The following CATSPERE variants were observed in gnomAD, a reference collection of about 807,000 sequenced individuals.
CATSPERE encodes the protein cation channel sperm-associated auxiliary subunit epsilon.
CATSPERE carries 93 observed loss-of-function variants against 114.1 expected under a neutral mutation model. That is an observed-to-expected ratio of 0.81 (90% CI 0.69 to 0.97). CATSPERE has a LOEUF of 0.97. CATSPERE is among the 50% of genes least tolerant of loss of function. CATSPERE has a pLI of 0.00. For synonymous variants in CATSPERE, 341 were observed against 384.1 expected (o/e 0.89, Z 1.31); for missense variants, 1,058 against 1,131.6 (o/e 0.93, Z 0.93).
upstream of CATSPERE, chr1:244,451,543 A>T: frequency 2.2e-6 from 3 of 1,383,806 alleles, no homozygotes; most frequent in Non-Finnish European, 2.9e-6. The surrounding 1 kb of genome is among the most constrained non-coding windows in gnomAD (Gnocchi z 6.6). Context: ...TGGCCAGTGG[A>T]TCCGGGTTCT....
intron 7 of CATSPERE, 68 bp from the exon 8 acceptor site, chr1:244,518,524 C>A: frequency 1.1e-6 from 1 of 943,818 alleles, no homozygotes; most frequent in East Asian, 2.5e-5. Flanking sequence ...TTCAATATAT[C>A]CTGATGTCAC....
rs150789526 is a variant in CATSPERE, at chr1:244,569,324, G to A, written c.1508-3006G>A. 2.1e-3 allele frequency among the ~76,000 whole-genome samples: 320 copies of A among 152,320 alleles called. 1 individual carries two copies. Among genetic ancestry groups the A allele is most frequent in the African/African-American group, 7.2e-3 (299 of 41,584 alleles). ...TCAGTTGGAAATGCAGAAATCACCC[G>A]CCTTCTGCGTTGATCTCGCTGGGAA... On this transcript the variant is annotated intron_variant, in intron 10 of 21. Transcript: ENST00000366534.
chr1:244,591,333 T>C (rs1004755340), intron 14 of CATSPERE, among the ~76,000 whole-genome samples: 4 of 150,728 alleles, frequency 2.7e-5, no homozygotes, highest in African/African-American at 9.8e-5. Flanking sequence ...AAAGTCACCA[T>C]GTTGTACAAT....
Position 244,605,780 on chromosome 1 carries a change from A to G in CATSPERE, c.2389A>G (p.Asn797Asp), listed in dbSNP as rs764097638. ...IHGRDDYSFN[N>D]TMAQSGCLHE... Reference sequence around the variant, plus strand: ...CGGCAGGGATGACTATAGCTTTAATAATACTATGGCACAGGTATGGCATCT... The same window carrying G: ...CGGCAGGGATGACTATAGCTTTAATGATACTATGGCACAGGTATGGCATCT... The change falls in exon 18 of 22, where the codon AAT becomes GAT. Residue 797 changes from asparagine to aspartate, a missense_variant. By Grantham distance (23) the Asn-to-Asp change is conservative. Transcript: ENST00000366534. 1 of 1,611,458 alleles carries G rather than the reference A, an allele frequency of 6.2e-7. No individual in the cohort carries two copies. The highest frequency in any genetic ancestry group is 8.5e-7 in the Non-Finnish European group (1 of 1,177,980).
chr1:244,477,196 A>ATGT (rs1669508464), intron 2 of CATSPERE, among the ~76,000 whole-genome samples: 1 of 152,104 alleles, frequency 6.6e-6, no homozygotes, highest in African/African-American at 2.4e-5. Flanking sequence ...GGGTTTCACC[A>ATGT]TGTTGGCCAG....
At chr1:244,471,910 A>T (rs1279004806) in intron 2 of CATSPERE, among the ~76,000 whole-genome samples, 1 of 152,192 alleles carries the variant, frequency 6.6e-6, no homozygotes, top group Non-Finnish European at 1.5e-5. Context: ...ACTGTGTTAT[A>T]AGGCAATGAT....
At chr1:244,515,525 G>A (rs1178389504) in intron 7 of CATSPERE, among the ~76,000 whole-genome samples, 1 of 152,188 alleles carries the variant, frequency 6.6e-6, no homozygotes, top group African/African-American at 2.4e-5. Context: ...ACAATTTGAT[G>A]AGTTGTACAG....
At chr1:244,591,025 A>G (rs139048450) in intron 14 of CATSPERE, among the ~76,000 whole-genome samples, 3 of 152,340 alleles carry the variant, frequency 2.0e-5, no homozygotes, top group Non-Finnish European at 2.9e-5. Flanking sequence ...GCTGTTTTCC[A>G]TAGCAGCTGC....
At chr1:244,524,598 G>A (rs1678198216) in intron 8 of CATSPERE, among the ~76,000 whole-genome samples, 2 of 151,802 alleles carry the variant, frequency 1.3e-5, no homozygotes, top group African/African-American at 4.9e-5. Flanking sequence ...ATCTGACAAA[G>A]GGCTAATATC....
chr1:244,608,084 G>T (rs78583717), intron 18 of CATSPERE, among the ~76,000 whole-genome samples: 8,248 of 151,942 alleles, frequency 0.054, 733 homozygotes, highest in African/African-American at 0.19. Flanking sequence ...TCCAGTCTGG[G>T]TGACAGAGTG....
chr1:244,507,868 C>T (rs1164262310), intron 7 of CATSPERE, among the ~76,000 whole-genome samples: 1 of 152,112 alleles, frequency 6.6e-6, no homozygotes, highest in Non-Finnish European at 1.5e-5. Context: ...GTTTTGTTTA[C>T]TATAGCTTTG....
At chr1:244,502,147 T>C (rs1448115192) in intron 7 of CATSPERE, among the ~76,000 whole-genome samples, 1 of 152,184 alleles carries the variant, frequency 6.6e-6, no homozygotes, top group South Asian at 2.1e-4. Context: ...TGATCAATCA[T>C]CCACAATGAT....
At chr1:244,491,204 T>G (rs973850835) in intron 6 of CATSPERE, among the ~76,000 whole-genome samples, 2 of 151,946 alleles carry the variant, frequency 1.3e-5, no homozygotes, top group African/African-American at 4.8e-5. Flanking sequence ...AGTAAAGCTC[T>G]CCTCAGCAAA....
chr1:244,461,082 T>G (rs1334562680), upstream of CATSPERE, among the ~76,000 whole-genome samples: 3 of 85,928 alleles, frequency 3.5e-5, no homozygotes, highest in Non-Finnish European at 7.0e-5. Flanking sequence ...TGGATTTTTC[T>G]TTTTCTTTCC....
chr1:244,544,246 G>A (rs1381832648), intron 8 of CATSPERE, among the ~76,000 whole-genome samples: 1 of 152,128 alleles, frequency 6.6e-6, no homozygotes, highest in African/African-American at 2.4e-5. Flanking sequence ...CCTCTAACCA[G>A]GGTAACTGTA....
intron 20 of CATSPERE, among the ~76,000 whole-genome samples, chr1:244,628,925 T>TA (rs1573094343): frequency 6.6e-6 from 1 of 152,322 alleles, no homozygotes; most frequent in East Asian, 1.9e-4. Context: ...GTTCTGTACT[T>TA]ACACTTCATG....
chr1:244,582,985 G>A (rs570020227), intron 12 of CATSPERE, among the ~76,000 whole-genome samples: 1 of 56,024 alleles, frequency 1.8e-5, no homozygotes, highest in South Asian at 6.2e-4. Flanking sequence ...ATAAATCAGT[G>A]ACAGAGACTG....
chr1:244,453,594 G>A (rs191818095), upstream of CATSPERE, among the ~76,000 whole-genome samples: 101 of 152,300 alleles, frequency 6.6e-4, 1 homozygote, highest in African/African-American at 2.1e-3. Flanking sequence ...CTGCCCAAGC[G>A]GCCACCCAGT....
intron 6 of CATSPERE, among the ~76,000 whole-genome samples, chr1:244,492,563 CTATTCAACATAG>C (rs1672392994): frequency 6.6e-6 from 1 of 151,388 alleles, no homozygotes; most frequent in Non-Finnish European, 1.5e-5. Flanking sequence ...CTCACCACTC[CTATTCAACATAG>C]TGTTGGAAGT....
Sources: allele counts gnomAD v4.1 joint callset (sites outside exome capture counted in the v4.1 genomes callset), GRCh38; gene constraint gnomAD v4.1.1; non-coding constraint Gnocchi (gnomAD v3.1); transcripts MANE v1.5; gene names NCBI Gene and HGNC (gene_info 2026-07-23, HGNC 2026-07-21).